Variants in ZFPM1 observed in about 807,000 individuals in gnomAD.
The protein encoded by ZFPM1 is zinc finger protein, FOG family member 1, also known as zinc finger protein ZFPM1.
In ZFPM1, 28 loss-of-function variants were observed where a neutral mutation model predicts 46.3. That is an observed-to-expected ratio of 0.60 (90% CI 0.45 to 0.83). The LOEUF (loss-of-function observed/expected upper bound fraction) is 0.83, where lower values mean the gene tolerates loss of function less well. Among genes scored for constraint, ZFPM1 ranks in the 40% least tolerant of loss-of-function variants. ZFPM1 has a pLI of 0.00. For missense variants in ZFPM1, 1,878 were observed against 1,432.4 expected, an observed-to-expected ratio of 1.31 and a Z score of -5.02; for synonymous variants, 957 against 675.9, an observed-to-expected ratio of 1.42 and a Z score of -6.45.
In ZFPM1 at chr16:88,532,718, C is replaced by T. The variant is rs373286639; in HGVS notation, c.1042+9C>T. 3.1e-6 allele frequency: 5 copies of T among 1,612,004 alleles called. No homozygotes were observed. The African/African-American group carries it at 5.3e-5, about 17-fold the overall frequency. ...CACGGACACGCTGAGCGGTAGGCAC[C>T]GCAGGGGCCGGGGGGTGTGTGGGTC... On this transcript the variant is annotated intron_variant, in intron 8 of 9. Coordinates refer to ENST00000319555, the MANE Select transcript of ZFPM1 (RefSeq NM_153813.3).
In ZFPM1 at chr16:88,469,770, G is replaced by C. The variant is rs1216230012; in HGVS notation, c.40+16092G>C. ...TAGTGGCGGGGCGAGGAGAGAAAGA[G>C]TCTGGGCTGAGATCTAAGGAGAGGA... On this transcript the variant is annotated intron_variant, in intron 1 of 9. Coordinates refer to ENST00000319555, the MANE Select transcript of ZFPM1 (RefSeq NM_153813.3). This position sits in a 1 kb window ranked among gnomAD's most constrained non-coding sequence, Gnocchi z 4.3. 3.3e-5 allele frequency among the ~76,000 whole-genome samples: 5 copies of C among 152,050 alleles called. No individual in the cohort carries two copies. Among genetic ancestry groups the C allele is most frequent in the African/African-American group, 1.2e-4 (5 of 41,394 alleles).
At chr16:88,505,692 G>A (rs1910612270) in intron 3 of ZFPM1, among the ~76,000 whole-genome samples, 1 of 152,148 alleles carries the variant, frequency 6.6e-6, no homozygotes, top group Non-Finnish European at 1.5e-5. Flanking sequence ...CAGCTCCCGG[G>A]AACGCAGCCC....
chr16:88,493,327 T>TGAGC (rs1597248744), intron 3 of ZFPM1, among the ~76,000 whole-genome samples: 1 of 68,958 alleles, frequency 1.5e-5, no homozygotes, highest in Non-Finnish European at 2.7e-5. Flanking sequence ...GTGTGGGAAA[T>TGAGC]TGTCCCGGGG....
chr16:88,489,186 G>A (rs537794341), intron 3 of ZFPM1, 33 bp downstream of exon 3: 91 of 1,559,552 alleles, frequency 5.8e-5, no homozygotes, highest in East Asian at 2.4e-4. Flanking sequence ...CAGCAGCATC[G>A]CCTCCCGGGC....
At chr16:88,474,992 G>A (rs1346389952) in intron 1 of ZFPM1, among the ~76,000 whole-genome samples, 1 of 152,256 alleles carries the variant, frequency 6.6e-6, no homozygotes, top group Non-Finnish European at 1.5e-5. Flanking sequence ...AATGGCAGCT[G>A]ACCTGAGGCC....
At chr16:88,522,016 C>A (rs1026681321) in intron 4 of ZFPM1, 7 of 152,994 alleles carry the variant, frequency 4.6e-5, no homozygotes, top group Admixed American at 1.3e-4. Flanking sequence ...CCTCCAGGTG[C>A]CTACCTGCTA....
At chr16:88,491,337 G>A (rs1035936810) in intron 3 of ZFPM1, among the ~76,000 whole-genome samples, 1 of 152,218 alleles carries the variant, frequency 6.6e-6, no homozygotes, top group Non-Finnish European at 1.5e-5. Flanking sequence ...CAGTGGCAGG[G>A]ACCATTGTGT....
At chr16:88,528,599 G>A (rs570622470) in intron 6 of ZFPM1, among the ~76,000 whole-genome samples, 6 of 152,312 alleles carry the variant, frequency 3.9e-5, no homozygotes, top group East Asian at 1.9e-4. Context: ...CCCTCCTGGC[G>A]TCTGGGGCCA....
At chr16:88,488,083 G>A (rs1909335737) in intron 2 of ZFPM1, among the ~76,000 whole-genome samples, 1 of 152,238 alleles carries the variant, frequency 6.6e-6, no homozygotes, top group Non-Finnish European at 1.5e-5. Flanking sequence ...GGTGGCTGGG[G>A]GGAGAGAGCA....
intron 5 of ZFPM1, 81 bp from the exon 6 acceptor site, chr16:88,527,951 C>A (rs1912475711): frequency 7.1e-7 from 1 of 1,401,790 alleles, no homozygotes. Context: ...GCTCTCCTGA[C>A]CCCATCCTCT....
chr16:88,515,716 C>T (rs1303079351), intron 4 of ZFPM1, among the ~76,000 whole-genome samples: 1 of 152,222 alleles, frequency 6.6e-6, no homozygotes, highest in Non-Finnish European at 1.5e-5. Context: ...AGAACGGCAG[C>T]GGAAGCTCAG....
intron 4 of ZFPM1, among the ~76,000 whole-genome samples, chr16:88,520,025 ATGGGAGGATAAC>A (rs1911706611): frequency 6.8e-6 from 1 of 147,932 alleles, no homozygotes; most frequent in South Asian, 2.2e-4. Context: ...AAGTGGATGG[ATGGGAGGATAAC>A]CAGGTGGATG....
rs192825466 is a variant in ZFPM1 at position 88,469,182 on chromosome 16, C to A, written c.40+15504C>A. ...AGACCCTCCTGCAGGCTGCCCCCCA[C>A]CGCTCCACCCTCTCCCCGCGCTGAC... is the stretch of plus-strand genomic sequence containing the variant. On this transcript the variant is annotated intron_variant, in intron 1 of 9. Coordinates refer to ENST00000319555, the MANE Select transcript of ZFPM1 (RefSeq NM_153813.3). This position sits in a 1 kb window ranked among gnomAD's most constrained non-coding sequence, Gnocchi z 4.3. 1.3e-4 allele frequency among the ~76,000 whole-genome samples: 20 copies of A among 152,346 alleles called. No individual in the cohort carries two copies. The East Asian group carries it at 2.5e-3, about 19-fold the overall frequency.
In ZFPM1 at chr16:88,471,827, G is replaced by A. The variant is rs868437050; in HGVS notation, c.41-14112G>A. The stretch of plus-strand genomic sequence containing the variant: ...GTGTCCATCTCTGTGAAATCGGGGC[G>A]AGGCCCCCGCGGGCTGGGAGGGCTC... On this transcript the variant is annotated intron_variant, in intron 1 of 9. Transcript: ENST00000319555. The surrounding 1 kb of genome is among the most constrained non-coding windows in gnomAD (Gnocchi z 4.1). Among the ~76,000 whole-genome samples the A allele has an allele frequency of 5.8e-4, 88 of 152,384 alleles. No individual in the cohort carries two copies. The highest frequency in any genetic ancestry group is 1.9e-3 in the African/African-American group (78 of 41,590).
At chr16:88,455,665 G>A (rs1027577314) in intron 1 of ZFPM1, among the ~76,000 whole-genome samples, 1 of 152,076 alleles carries the variant, frequency 6.6e-6, no homozygotes, top group South Asian at 2.1e-4. Context: ...TGGCGCAGCT[G>A]CCCGCGCCTC....
rs1189112662 is a variant in ZFPM1 at position 88,535,206 on chromosome 16, A to G, written c.*227A>G. ...CCTAGTTCTCTGAGCCAGCAGGCAC[A>G]CGCAGCCAGTGTCACATCCAGCCCT... On this transcript the variant is annotated 3_prime_UTR_variant, in exon 10 of 10. Transcript: ENST00000319555. 2 of 422,050 alleles carry G rather than the reference A, an allele frequency of 4.7e-6. No individual in the cohort carries two copies. The highest frequency in any genetic ancestry group is 7.8e-6 in the Non-Finnish European group (2 of 255,658). 26.1% of individuals were successfully genotyped at this position (422,050 alleles called of 1,614,324 possible). A position where few individuals can be genotyped will look rare whatever the true frequency, so the allele number is the denominator to read the frequency against.
At chr16:88,522,992 G>A (rs1429811451) in intron 4 of ZFPM1, among the ~76,000 whole-genome samples, 1 of 152,138 alleles carries the variant, frequency 6.6e-6, no homozygotes, top group Non-Finnish European at 1.5e-5. Context: ...GATCACCTGA[G>A]GTCAGCAGTT....
chr16:88,481,420 C>G (rs955685058), intron 1 of ZFPM1, among the ~76,000 whole-genome samples: 14 of 151,888 alleles, frequency 9.2e-5, no homozygotes, highest in Non-Finnish European at 2.1e-4. Flanking sequence ...CCACCACCCC[C>G]ACCCCCACCA....
At chr16:88,462,477 A>T (rs1473956809) in intron 1 of ZFPM1, among the ~76,000 whole-genome samples, 3 of 152,244 alleles carry the variant, frequency 2.0e-5, no homozygotes, top group Non-Finnish European at 4.4e-5. Context: ...GTCTCACAGC[A>T]CACAGTGGTG....
Sources: allele counts gnomAD v4.1 joint callset (sites outside exome capture counted in the v4.1 genomes callset), GRCh38; gene constraint gnomAD v4.1.1; non-coding constraint Gnocchi (gnomAD v3.1); transcripts MANE v1.5; gene names NCBI Gene and HGNC (gene_info 2026-07-23, HGNC 2026-07-21).